BCL2: variants seen among roughly 807,000 people sequenced by gnomAD.
The protein encoded by BCL2 is BCL2 apoptosis regulator, also known as apoptosis regulator Bcl-2.
Under a neutral mutation model 14.2 loss-of-function variants are expected in BCL2, and 1 was observed. The observed-to-expected ratio is 0.07, with a 90% CI of 0.02 to 0.33. The LOEUF is 0.33. BCL2 is among the 10% of genes least tolerant of loss of function. BCL2 has a pLI of 0.99. For synonymous variants in BCL2, 151 were observed against 137.2 expected, an observed-to-expected ratio of 1.10 and a Z score of -0.70; for missense variants, 247 against 305.9, an observed-to-expected ratio of 0.81 and a Z score of 1.44.
intron 2 of BCL2, among the ~76,000 whole-genome samples, chr18:63,129,376 A>T (rs1914004538): frequency 6.6e-6 from 1 of 151,502 alleles, no homozygotes; most frequent in South Asian, 2.1e-4. Flanking sequence ...TGCAGCCTCG[A>T]ACTGTTGGAC....
At chr18:63,174,820 C>CTAA (rs1915315023) in intron 2 of BCL2, among the ~76,000 whole-genome samples, 1 of 72,284 alleles carries the variant, frequency 1.4e-5, no homozygotes, top group Admixed American at 1.4e-4. Flanking sequence ...GACTTTGTCT[C>CTAA]AAAAAAAAAA....
chr18:63,251,205 G>A (rs1332696459), intron 2 of BCL2, among the ~76,000 whole-genome samples: 2 of 152,044 alleles, frequency 1.3e-5, no homozygotes, highest in Non-Finnish European at 2.9e-5. Context: ...GACACAAGCT[G>A]TGCGTTGATG....
intron 2 of BCL2, among the ~76,000 whole-genome samples, chr18:63,281,740 A>AAAGAAAGAAAG (rs1568256937): frequency 6.9e-6 from 1 of 144,664 alleles, no homozygotes; most frequent in Non-Finnish European, 1.5e-5. Context: ...AAGAAAGAAA[A>AAAGAAAGAAAG]AGAGAGAGGA....
intron 2 of BCL2, among the ~76,000 whole-genome samples, chr18:63,187,397 C>T (rs955631674): frequency 6.6e-6 from 1 of 152,178 alleles, no homozygotes; most frequent in Non-Finnish European, 1.5e-5. Context: ...ACTGTGTGCC[C>T]TTTTATCTCT....
intron 2 of BCL2, among the ~76,000 whole-genome samples, chr18:63,193,529 A>G (rs9959769): frequency 1.6e-3 from 236 of 152,012 alleles, no homozygotes; most frequent in African/African-American, 5.5e-3. Context: ...GATGTCCTCA[A>G]GAATCATCCA....
intron 2 of BCL2, among the ~76,000 whole-genome samples, chr18:63,261,847 C>T (rs149735030): frequency 0.011 from 1,640 of 151,344 alleles, 19 homozygotes; most frequent in Non-Finnish European, 0.016. Flanking sequence ...TGGCATGATC[C>T]CAGGTCACTG....
intron 2 of BCL2, among the ~76,000 whole-genome samples, chr18:63,290,139 G>A (rs1912604986): frequency 6.6e-6 from 1 of 152,140 alleles, no homozygotes; most frequent in Non-Finnish European, 1.5e-5. Flanking sequence ...GATGAGAGCA[G>A]GAAGAGAAAC....
intron 2 of BCL2, among the ~76,000 whole-genome samples, chr18:63,272,643 A>C (rs1177475105): frequency 6.6e-6 from 1 of 152,240 alleles, no homozygotes; most frequent in African/African-American, 2.4e-5. Context: ...GAGAATTATA[A>C]GTACAAATGA....
intron 2 of BCL2, among the ~76,000 whole-genome samples, chr18:63,153,946 G>A (rs1914713442): frequency 6.6e-6 from 1 of 152,160 alleles, no homozygotes. Flanking sequence ...AGTACAGAAA[G>A]GATTAAGCTA....
At chr18:63,229,182 TTTA>T (rs1184176191) in intron 2 of BCL2, among the ~76,000 whole-genome samples, 1 of 152,158 alleles carries the variant, frequency 6.6e-6, no homozygotes, top group Non-Finnish European at 1.5e-5. Context: ...TATTTATTTA[TTTA>T]TTTATATTTT....
intron 2 of BCL2, among the ~76,000 whole-genome samples, chr18:63,255,139 A>AT (rs1368675068): frequency 6.6e-6 from 1 of 152,222 alleles, no homozygotes; most frequent in Admixed American, 6.5e-5. Context: ...TACTGATGGC[A>AT]TGGCTGAGGT....
intron 2 of BCL2, among the ~76,000 whole-genome samples, chr18:63,190,373 T>C (rs1215025371): frequency 6.6e-6 from 1 of 152,244 alleles, no homozygotes; most frequent in Non-Finnish European, 1.5e-5. Flanking sequence ...CCATTCTTTA[T>C]TTAAAACATC....
intron 2 of BCL2, among the ~76,000 whole-genome samples, chr18:63,169,303 T>TC: frequency 1.3e-5 from 1 of 76,642 alleles, no homozygotes; most frequent in East Asian, 4.3e-4. Context: ...TTTCTTTCTT[T>TC]CTTTCTTCCT....
intron 2 of BCL2, among the ~76,000 whole-genome samples, chr18:63,164,743 T>G (rs572936483): frequency 6.6e-6 from 1 of 152,060 alleles, no homozygotes; most frequent in African/African-American, 2.4e-5. Flanking sequence ...TTGAAACCAC[T>G]GGAGGAGAAA....
intron 2 of BCL2, among the ~76,000 whole-genome samples, chr18:63,160,565 T>C (rs1914895786): frequency 1.3e-5 from 2 of 150,612 alleles, no homozygotes; most frequent in African/African-American, 4.9e-5. Flanking sequence ...CCGAGAGGAG[T>C]TCACATGACC....
chr18:63,292,838 G>A (rs1481589101), intron 2 of BCL2, among the ~76,000 whole-genome samples: 1 of 152,224 alleles, frequency 6.6e-6, no homozygotes, highest in Non-Finnish European at 1.5e-5. Context: ...CATTAGGGAA[G>A]GAGCTCAGGA....
chr18:63,162,823 C>G (rs1042788737), intron 2 of BCL2, among the ~76,000 whole-genome samples: 1 of 151,966 alleles, frequency 6.6e-6, no homozygotes, highest in African/African-American at 2.4e-5. Context: ...TTCCTTCCCT[C>G]CTTCCTTCCT....
rs573958239 is a variant in BCL2, at chr18:63,174,617, C to T, written c.586-45858G>A. Among the ~76,000 whole-genome samples the T allele has an allele frequency of 5.3e-5, 8 of 151,996 alleles. No homozygotes were observed. The East Asian group carries it at 1.4e-3, about 26-fold the overall frequency. ...GGTGTATCACCTGAGGTCAGGAGTT[C>T]GAGACCAGCCTGGCCAACATGGTGA... On this transcript the variant is annotated intron_variant, in intron 2 of 2. Transcript: ENST00000333681.
chr18:63,226,367 C>G (rs531472674), intron 2 of BCL2, among the ~76,000 whole-genome samples: 10 of 152,256 alleles, frequency 6.6e-5, no homozygotes, highest in African/African-American at 2.4e-4. Context: ...TCAGGCTTTT[C>G]AGCTTGAGGG....
Sources: allele counts gnomAD v4.1 joint callset (sites outside exome capture counted in the v4.1 genomes callset), GRCh38; gene constraint gnomAD v4.1.1; transcripts MANE v1.5; gene names NCBI Gene and HGNC (gene_info 2026-07-23, HGNC 2026-07-21).